MPHOSPH8: variants seen among roughly 807,000 people sequenced by gnomAD.
The protein encoded by MPHOSPH8 is M-phase phosphoprotein 8.
In MPHOSPH8, 45 loss-of-function variants were observed where a neutral mutation model predicts 87.3. That is an observed-to-expected ratio of 0.52 (90% CI 0.41 to 0.66). The LOEUF (loss-of-function observed/expected upper bound fraction) is 0.66. Among genes scored for constraint, MPHOSPH8 ranks in the 30% least tolerant of loss-of-function variants. The pLI is 0.00. For synonymous variants in MPHOSPH8, 366 were observed against 376.9 expected (o/e 0.97, Z 0.33); for missense variants, 883 against 1,020.2 (o/e 0.87, Z 1.83).
intron 11 of MPHOSPH8, 131 bp downstream of exon 11, chr13:19,668,662 G>C: frequency 9.7e-7 from 1 of 1,028,596 alleles, no homozygotes; most frequent in Non-Finnish European, 1.4e-6. Context: ...CTGCAGACCG[G>C]TTAACAGTAG....
At chr13:19,665,617 A>G (rs987046626) in intron 9 of MPHOSPH8, among the ~76,000 whole-genome samples, 1 of 152,146 alleles carries the variant, frequency 6.6e-6, no homozygotes, top group African/African-American at 2.4e-5. Context: ...GAAGCACTGG[A>G]TGACACCGTT....
Position 19,659,203 on chromosome 13 carries a change from G to A in MPHOSPH8, c.1705G>A (p.Val569Met). 1.2e-6 allele frequency: 2 copies of A among 1,611,674 alleles called. No homozygotes were observed. The highest frequency in any genetic ancestry group is 1.7e-6 in the Non-Finnish European group (2 of 1,179,028). ...FAATDAIPSN[V>M]LRDAVKNGDY... is the part of the protein sequence containing the mutation. ...ACTTATTTTTTCTTTCATTTTAGAT[G>A]TGTTAAGGGATGCTGTGAAAAATGG... The change falls in exon 7 of 14, where the codon GTG becomes ATG. Residue 569 changes from valine (V) to methionine (M), a missense_variant and splice_region_variant. Physicochemically the swap from Val to Met is conservative, Grantham distance 21 (BLOSUM62 1). Around this residue, in one of 3 missense-constraint regions of MPHOSPH8, gnomAD observed 741 missense variants for 841.5 expected, o/e 0.88. Coordinates refer to ENST00000361479, the MANE Select transcript of MPHOSPH8 (RefSeq NM_017520.4).
At position 19,658,993 on chromosome 13, in the gene MPHOSPH8, A is replaced by G; in HGVS notation, c.1577-2A>G. ...TGTTAACAAGGCTATTGTGTGTTCC[A>G]GATGGCAGGCAGCAGATTCTGAGTT... On this transcript the variant is annotated splice_acceptor_variant, in intron 5 of 13. Transcript: ENST00000361479. LOFTEE classifies it high-confidence loss of function. The G allele has an allele frequency of 6.2e-7, 1 of 1,612,218 alleles. No homozygotes were observed. Among genetic ancestry groups the G allele is most frequent in the Non-Finnish European group, 8.5e-7 (1 of 1,179,596 alleles).
chr13:19,656,828 A>G (rs1293166530), intron 5 of MPHOSPH8, among the ~76,000 whole-genome samples: 1 of 151,782 alleles, frequency 6.6e-6, no homozygotes, highest in Non-Finnish European at 1.5e-5. Flanking sequence ...GATTGCTTAG[A>G]ATATTGTTCA....
intron 1 of MPHOSPH8, among the ~76,000 whole-genome samples, chr13:19,639,335 G>A (rs112123345): frequency 0.038 from 5,682 of 151,238 alleles, 385 homozygotes; most frequent in African/African-American, 0.13. Flanking sequence ...TTTTGAGATG[G>A]AATCTTGCTC....
intron 1 of MPHOSPH8, among the ~76,000 whole-genome samples, chr13:19,638,846 A>G (rs1410546532): frequency 1.3e-5 from 2 of 151,766 alleles, no homozygotes; most frequent in Non-Finnish European, 2.9e-5. Context: ...GTGTAGCTAG[A>G]ATGGTGCTAG....
intron 7 of MPHOSPH8, chr13:19,661,100 G>A (rs1223095984): frequency 6.0e-6 from 2 of 332,276 alleles, no homozygotes; most frequent in Non-Finnish European, 8.6e-6. Context: ...CAATAAAAAA[G>A]AAAGAAAGAA....
At chr13:19,637,520 A>T (rs773242161) in intron 1 of MPHOSPH8, among the ~76,000 whole-genome samples, 16 of 152,046 alleles carry the variant, frequency 1.1e-4, no homozygotes, top group Non-Finnish European at 2.4e-4. Flanking sequence ...AACAAGGATC[A>T]TTTTTGTTCC....
chr13:19,650,678 T>C lies in MPHOSPH8; in HGVS notation c.1576+418T>C, dbSNP rs1006926312. Among the ~76,000 whole-genome samples, 11 of 152,182 alleles carry C rather than the reference T, an allele frequency of 7.2e-5. No individual in the cohort carries two copies. The East Asian group carries it at 2.1e-3, about 29-fold the overall frequency. On this transcript the variant is annotated intron_variant, in intron 5 of 13. Transcript: ENST00000361479. ...AATGCTGTCCTGAGGACATTGGAGC[T>C]GGTCAAGAAGAAGAATACAGACTAC...
intron 8 of MPHOSPH8, 90 bp from the exon 9 acceptor site, chr13:19,662,949 AT>A (rs1436572152): frequency 5.4e-6 from 6 of 1,117,156 alleles, no homozygotes; most frequent in African/African-American, 1.5e-5. Context: ...CCTGCTGGGT[AT>A]TTTTCCTGAT....
chr13:19,633,973 G>C lies in MPHOSPH8; in HGVS notation c.213+12G>C. On this transcript the variant is annotated intron_variant, in intron 1 of 13. Transcript: ENST00000361479. ...TGAAGACCGAGGGGGTATGTGGAGGGGCCCCGGCGCGGGGCTGGGCGGGGA... is the reference window on the plus strand; with the variant it reads ...TGAAGACCGAGGGGGTATGTGGAGGCGCCCCGGCGCGGGGCTGGGCGGGGA... The C allele has an allele frequency of 6.2e-7, 1 of 1,600,852 alleles. No homozygotes were observed.
chr13:19,658,929 AAAC>A, intron 5 of MPHOSPH8, 63 bp from the exon 6 acceptor site: 1 of 1,571,242 alleles, frequency 6.4e-7, no homozygotes, highest in Non-Finnish European at 8.6e-7. Context: ...CAAATTTCAT[AAAC>A]AACATTGTGG....
intron 1 of MPHOSPH8, among the ~76,000 whole-genome samples, chr13:19,639,656 T>C (rs1447917245): frequency 6.6e-6 from 1 of 151,946 alleles, no homozygotes; most frequent in Admixed American, 6.6e-5. Context: ...TAAGCATGCA[T>C]TGCTGGAAGA....
chr13:19,634,636 C>T (rs889428181), intron 1 of MPHOSPH8, among the ~76,000 whole-genome samples: 3 of 152,042 alleles, frequency 2.0e-5, no homozygotes, highest in Non-Finnish European at 2.9e-5. Flanking sequence ...TCTGGGAAAG[C>T]TTTTTTTGAC....
rs748978135 is a variant in MPHOSPH8, at chr13:19,666,580, G to GT, written c.2174+2dup. 6.4e-7 allele frequency: 1 copy of GT among 1,568,158 alleles called. No homozygotes were observed. Among genetic ancestry groups the GT allele is most frequent in the Non-Finnish European group, 8.7e-7 (1 of 1,145,452 alleles). ...ACTTGCTGAAGAACCATTTAGAGAC[G>GT]TAAGTGAGAAGCGACTGTGCCATAG... On this transcript the variant is annotated splice_donor_variant, in intron 10 of 13. Transcript: ENST00000361479. LOFTEE classifies it high-confidence loss of function.
intron 9 of MPHOSPH8, among the ~76,000 whole-genome samples, chr13:19,665,754 C>A (rs1196833107): frequency 5.3e-5 from 8 of 152,228 alleles, no homozygotes; most frequent in South Asian, 2.1e-4. Flanking sequence ...GCACCCTTAT[C>A]CTCTTTTCGC....
Position 19,647,257 on chromosome 13 carries a change from A to G in MPHOSPH8, c.1184A>G (p.Glu395Gly). 1 of 1,610,336 alleles carries G rather than the reference A, an allele frequency of 6.2e-7. No individual in the cohort carries two copies. The part of the protein sequence containing the change: ...TPKGRRLSGE[E>G]RGLWSTDSAE... ...AAGGGCCGGAGGTTGAGCGGGGAAG[A>G]GAGAGGCCTCTGGTCCACGGACTCA... The change falls in exon 3 of 14, where the codon GAG (glutamate) becomes GGG (glycine). Residue 395 changes from glutamate (E) to glycine (G), a missense_variant. This residue lies in a region of MPHOSPH8 where 741 missense variants were observed against 841.5 expected (regional missense o/e 0.88). Coordinates refer to ENST00000361479, the MANE Select transcript of MPHOSPH8 (RefSeq NM_017520.4).
rs1324052678 is a variant in MPHOSPH8 at position 19,672,963 on chromosome 13, A to G, written c.*1088A>G. On this transcript the variant is annotated 3_prime_UTR_variant, in exon 14 of 14. Coordinates refer to ENST00000361479, the MANE Select transcript of MPHOSPH8 (RefSeq NM_017520.4). ...CCCAGATACTCAGGAGGCTGAGGTG[A>G]AAGGATTGCTTGAGCCAGGGAGGTC... The G allele has an allele frequency of 1.0e-5, 4 of 396,934 alleles. No homozygotes were observed. The highest frequency in any genetic ancestry group is 1.9e-5 in the Non-Finnish European group (4 of 205,666). 24.6% of individuals were successfully genotyped at this position (396,934 alleles called of 1,614,324 possible).
intron 8 of MPHOSPH8, among the ~76,000 whole-genome samples, chr13:19,662,832 G>A (rs1027759875): frequency 2.0e-5 from 3 of 152,088 alleles, no homozygotes; most frequent in Admixed American, 1.3e-4. Flanking sequence ...GGTTCCATTC[G>A]CAGTTGCTGG....
Sources: allele counts gnomAD v4.1 joint callset (sites outside exome capture counted in the v4.1 genomes callset), GRCh38; gene constraint gnomAD v4.1.1; regional missense constraint gnomAD v4.1.1; transcripts MANE v1.5; gene names NCBI Gene and HGNC (gene_info 2026-07-23, HGNC 2026-07-21).